Variants in KIAA1328 observed in about 807,000 individuals in gnomAD.
KIAA1328 encodes the protein KIAA1328.
Under a neutral mutation model 68.1 loss-of-function variants are expected in KIAA1328, and 52 were observed. That is an observed-to-expected ratio of 0.76 (90% CI 0.61 to 0.96). The LOEUF is 0.96. Ranked by LOEUF, KIAA1328 falls within the 40% of genes least tolerant of loss-of-function variation. KIAA1328 has a pLI of 0.00. For synonymous variants in KIAA1328, 232 were observed against 239.4 expected, an observed-to-expected ratio of 0.97 and a Z score of 0.28; for missense variants, 641 against 677.6, an observed-to-expected ratio of 0.95 and a Z score of 0.60.
intron 5 of KIAA1328, among the ~76,000 whole-genome samples, chr18:36,923,025 T>TC (rs2049984793): frequency 6.6e-6 from 1 of 152,142 alleles, no homozygotes; most frequent in South Asian, 2.1e-4. Flanking sequence ...TGATTGATTT[T>TC]TTCCTTTAAT....
At chr18:36,895,874 G>A (rs554985458) in intron 5 of KIAA1328, 64 of 432,826 alleles carry the variant, frequency 1.5e-4, no homozygotes, top group Middle Eastern at 3.4e-4. Flanking sequence ...ACACCCCCAC[G>A]TTGTCCTGTG....
intron 7 of KIAA1328, among the ~76,000 whole-genome samples, chr18:37,080,189 G>C (rs985638182): frequency 2.6e-5 from 4 of 152,098 alleles, no homozygotes; most frequent in African/African-American, 9.7e-5. Context: ...AATAGTTTGA[G>C]ATCTTTCCAG....
chr18:37,216,357 G>A (rs192181733), intron 9 of KIAA1328, among the ~76,000 whole-genome samples: 10 of 152,180 alleles, frequency 6.6e-5, no homozygotes, highest in Admixed American at 2.6e-4. Flanking sequence ...CTTTGTTCTC[G>A]TTGGTTTCAA....
intron 7 of KIAA1328, among the ~76,000 whole-genome samples, chr18:37,151,568 C>T (rs1051424094): frequency 1.3e-5 from 2 of 152,080 alleles, no homozygotes; most frequent in Non-Finnish European, 2.9e-5. Context: ...TGGTATTCAC[C>T]TTAAGATGCA....
intron 5 of KIAA1328, among the ~76,000 whole-genome samples, chr18:36,917,264 G>A (rs1238780848): frequency 6.6e-6 from 1 of 151,434 alleles, no homozygotes; most frequent in African/African-American, 2.4e-5. Flanking sequence ...TTTTTGTTTT[G>A]TTTTGTCTTG....
chr18:36,994,305 A>G (rs2053306031), intron 6 of KIAA1328, among the ~76,000 whole-genome samples: 2 of 152,198 alleles, frequency 1.3e-5, no homozygotes, highest in African/African-American at 2.4e-5. Flanking sequence ...AATGAATGCA[A>G]TTATATCTAT....
chr18:37,025,636 C>T (rs962523716), intron 6 of KIAA1328, among the ~76,000 whole-genome samples: 2 of 152,090 alleles, frequency 1.3e-5, no homozygotes, highest in African/African-American at 4.8e-5. Context: ...GGGTACATAA[C>T]GAAATGAAGG....
intron 7 of KIAA1328, among the ~76,000 whole-genome samples, chr18:37,157,028 T>A (rs189199642): frequency 6.6e-5 from 10 of 152,256 alleles, no homozygotes; most frequent in Admixed American, 4.6e-4. Context: ...GGATAATGTG[T>A]TATGAAGACC....
intron 7 of KIAA1328, among the ~76,000 whole-genome samples, chr18:37,158,651 T>A (rs933184928): frequency 1.3e-5 from 2 of 152,216 alleles, no homozygotes; most frequent in Non-Finnish European, 2.9e-5. Flanking sequence ...ATTTTTCATA[T>A]AGTCATCTTT....
At chr18:36,895,126 C>T (rs2048826673) in intron 5 of KIAA1328, among the ~76,000 whole-genome samples, 1 of 152,118 alleles carries the variant, frequency 6.6e-6, no homozygotes, top group African/African-American at 2.4e-5. Flanking sequence ...GTATTTGGCT[C>T]CTAGCATTCA....
chr18:37,001,793 A>G (rs2053594676), intron 6 of KIAA1328, among the ~76,000 whole-genome samples: 1 of 152,214 alleles, frequency 6.6e-6, no homozygotes, highest in Non-Finnish European at 1.5e-5. Context: ...AGCATTTGGT[A>G]AAATTCAACA....
rs150876568 is a variant in KIAA1328 at position 36,959,559 on chromosome 18, C to T, written c.576+124C>T. On this transcript the variant is annotated intron_variant, in intron 6 of 9. Transcript: ENST00000280020. Reference sequence around the variant, plus strand: ...ATTGTTTTAAAACATGTAGCCACTGCGTGTGATTGAGTTGATGTCTTTCCC... The same window carrying T: ...ATTGTTTTAAAACATGTAGCCACTGTGTGTGATTGAGTTGATGTCTTTCCC... 4.9e-4 allele frequency: 501 copies of T among 1,030,158 alleles called. 2 individuals are homozygous for T. The East Asian group carries it at 0.012, about 25-fold the overall frequency. 63.8% of individuals were successfully genotyped at this position (1,030,158 alleles called of 1,614,324 possible). A position where few individuals can be genotyped will look rare whatever the true frequency, so the allele number is the denominator to read the frequency against.
chr18:37,046,801 T>TTTTA (rs929650373), intron 6 of KIAA1328, among the ~76,000 whole-genome samples: 1 of 152,158 alleles, frequency 6.6e-6, no homozygotes, highest in African/African-American at 2.4e-5. Flanking sequence ...AATCTACAAA[T>TTTTA]TTTAGAAAGG....
chr18:36,938,537 A>T (rs1337942638), intron 5 of KIAA1328, among the ~76,000 whole-genome samples: 1 of 152,046 alleles, frequency 6.6e-6, no homozygotes, highest in Non-Finnish European at 1.5e-5. Context: ...ATTTTCTCCC[A>T]GTCTGTGGAT....
intron 6 of KIAA1328, among the ~76,000 whole-genome samples, chr18:37,024,352 A>G (rs1182592960): frequency 2.2e-5 from 3 of 135,214 alleles, no homozygotes; most frequent in African/African-American, 7.9e-5. Context: ...GTATATATTT[A>G]TTATTTATTT....
intron 6 of KIAA1328, among the ~76,000 whole-genome samples, chr18:36,986,250 T>C (rs1598897515): frequency 6.6e-6 from 1 of 152,050 alleles, no homozygotes; most frequent in East Asian, 1.9e-4. Context: ...AATGGAAAAC[T>C]GCTCAGCAAT....
At chr18:37,062,010 A>C (rs1291608581) in intron 6 of KIAA1328, among the ~76,000 whole-genome samples, 1 of 152,148 alleles carries the variant, frequency 6.6e-6, no homozygotes, top group Non-Finnish European at 1.5e-5. Context: ...TTGAATACTA[A>C]CTTTATGTTA....
chr18:37,218,326 G>A (rs918402362), intron 9 of KIAA1328, among the ~76,000 whole-genome samples: 1 of 152,152 alleles, frequency 6.6e-6, no homozygotes, highest in Admixed American at 6.5e-5. Flanking sequence ...AGTTAATTGG[G>A]CTCCTTTGAA....
intron 7 of KIAA1328, among the ~76,000 whole-genome samples, chr18:37,138,445 C>A (rs1236325410): frequency 6.6e-6 from 1 of 152,180 alleles, no homozygotes; most frequent in Non-Finnish European, 1.5e-5. Context: ...ATCTTTCTAT[C>A]TATTGTTGTC....
Sources: allele counts gnomAD v4.1 joint callset (sites outside exome capture counted in the v4.1 genomes callset), GRCh38; gene constraint gnomAD v4.1.1; transcripts MANE v1.5; gene names NCBI Gene and HGNC (gene_info 2026-07-23, HGNC 2026-07-21).